PALLD: variants seen among roughly 807,000 people sequenced by gnomAD.
PALLD encodes the protein palladin, cytoskeletal associated protein.
A neutral mutation model predicts 123.5 loss-of-function variants in PALLD; 61 were observed. That is an observed-to-expected ratio of 0.49 (90% CI 0.40 to 0.61). The LOEUF (loss-of-function observed/expected upper bound fraction) is 0.61. Among genes scored for constraint, PALLD ranks in the 20% least tolerant of loss-of-function variants. PALLD has a pLI of 0.00. For synonymous variants in PALLD, 465 were observed against 496.4 expected (o/e 0.94, Z 0.84); for missense variants, 1,273 against 1,377.0 (o/e 0.92, Z 1.20).
At chr4:168,629,466 CTG>C (rs1775608421) in intron 2 of PALLD, among the ~76,000 whole-genome samples, 1 of 152,128 alleles carries the variant, frequency 6.6e-6, no homozygotes, top group African/African-American at 2.4e-5. Context: ...AGAAAGGAGA[CTG>C]TGGTGCATGT....
At chr4:168,554,735 G>A (rs1053879941) in intron 2 of PALLD, among the ~76,000 whole-genome samples, 22 of 151,848 alleles carry the variant, frequency 1.4e-4, no homozygotes, top group African/African-American at 4.8e-4. Flanking sequence ...TATATCTTTC[G>A]TTTAATAATC....
At chr4:168,515,869 A>C (rs1263133128) in intron 2 of PALLD, among the ~76,000 whole-genome samples, 1 of 137,498 alleles carries the variant, frequency 7.3e-6, no homozygotes, top group African/African-American at 2.6e-5. Flanking sequence ...TGGAGCTTAG[A>C]TTAAACAACA....
intron 10 of PALLD, among the ~76,000 whole-genome samples, chr4:168,870,150 A>G (rs1750885838): frequency 6.6e-6 from 1 of 152,230 alleles, no homozygotes; most frequent in Non-Finnish European, 1.5e-5. Flanking sequence ...AGTGGCAGAA[A>G]GAGGGGAAAG....
At chr4:168,731,219 C>T (rs1393495188) in intron 10 of PALLD, among the ~76,000 whole-genome samples, 2 of 152,224 alleles carry the variant, frequency 1.3e-5, no homozygotes, top group Non-Finnish European at 2.9e-5. Flanking sequence ...CTTACAGTTT[C>T]ACAATCCGTT....
At chr4:168,576,859 A>G (rs945839334) in intron 2 of PALLD, among the ~76,000 whole-genome samples, 2 of 152,124 alleles carry the variant, frequency 1.3e-5, no homozygotes, top group Non-Finnish European at 2.9e-5. Flanking sequence ...CAACAGTGTA[A>G]AAGCAAAACC....
At chr4:168,785,241 G>A (rs959400743) in intron 10 of PALLD, among the ~76,000 whole-genome samples, 4 of 151,972 alleles carry the variant, frequency 2.6e-5, no homozygotes, top group East Asian at 1.9e-4. Context: ...AGCACTGTGC[G>A]CTCTCGGATG....
At chr4:168,529,331 T>C (rs1420440742) in intron 2 of PALLD, among the ~76,000 whole-genome samples, 1 of 151,404 alleles carries the variant, frequency 6.6e-6, no homozygotes, top group African/African-American at 2.4e-5. Context: ...AGCCAAACTC[T>C]GTCTCGAGAA....
intron 1 of PALLD, among the ~76,000 whole-genome samples, chr4:168,503,510 G>A (rs1761648974): frequency 6.6e-6 from 1 of 152,084 alleles, no homozygotes; most frequent in African/African-American, 2.4e-5. Context: ...AGCCGGGCAT[G>A]GTGGTGGGCG....
At chr4:168,856,371 C>T (rs1748610595) in intron 10 of PALLD, among the ~76,000 whole-genome samples, 1 of 152,162 alleles carries the variant, frequency 6.6e-6, no homozygotes, top group South Asian at 2.1e-4. Flanking sequence ...ATACCCAATA[C>T]TGGGATTGCT....
At chr4:168,520,830 T>TA (rs1301324387) in intron 2 of PALLD, among the ~76,000 whole-genome samples, 1 of 152,214 alleles carries the variant, frequency 6.6e-6, no homozygotes, top group African/African-American at 2.4e-5. Context: ...CTCTCACTGA[T>TA]ACCTTAGTGA....
rs573611467 is a variant in PALLD, at chr4:168,521,508, T to C, written c.908+9096T>C. ...ATTGTAGTGTCTTAATAAATATTAATGTATTATTTTAAAAGTTACTTATTA... is the reference window on the plus strand; with the variant it reads ...ATTGTAGTGTCTTAATAAATATTAACGTATTATTTTAAAAGTTACTTATTA... On this transcript the variant is annotated intron_variant, in intron 2 of 21. Coordinates refer to ENST00000505667, the MANE Select transcript of PALLD (RefSeq NM_001166108.2). Among the ~76,000 whole-genome samples, 279 of 152,342 alleles carry C rather than the reference T, an allele frequency of 1.8e-3. 1 individual carries two copies. The highest frequency in any genetic ancestry group is 6.3e-3 in the African/African-American group (264 of 41,588).
At chr4:168,566,295 T>A (rs1323313373) in intron 2 of PALLD, among the ~76,000 whole-genome samples, 1 of 152,026 alleles carries the variant, frequency 6.6e-6, no homozygotes, top group East Asian at 1.9e-4. Context: ...TTCCACTAAT[T>A]TATTTATTTA....
At chr4:168,556,323 C>T (rs1767300383) in intron 2 of PALLD, among the ~76,000 whole-genome samples, 1 of 152,056 alleles carries the variant, frequency 6.6e-6, no homozygotes, top group African/African-American at 2.4e-5. Context: ...TCTCGATCTC[C>T]TGACCTCGTG....
chr4:168,614,975 C>T (rs756755038), intron 2 of PALLD, among the ~76,000 whole-genome samples: 8 of 151,954 alleles, frequency 5.3e-5, no homozygotes, highest in Non-Finnish European at 1.0e-4. Flanking sequence ...GAAGATTCCT[C>T]GAATACAAGG....
At chr4:168,917,971 C>T (rs888591860) in intron 17 of PALLD, among the ~76,000 whole-genome samples, 5 of 151,940 alleles carry the variant, frequency 3.3e-5, no homozygotes, top group Non-Finnish European at 5.9e-5. Context: ...GAGGCTGAGG[C>T]GGGCGGATCA....
At position 168,785,058 on chromosome 4, in the gene PALLD, C is replaced by CTTTT. The variant is rs746597278; in HGVS notation, c.1964+73161_1964+73164dup. ...AGCCCCAGCTTTTTTCTCCCTTTTG[C>CTTTT]TTTTTTTTTTTTTTTTTTTTTTTTT... On this transcript the variant is annotated intron_variant, in intron 10 of 21. Transcript: ENST00000505667. 8.7e-4 allele frequency among the ~76,000 whole-genome samples: 74 copies of CTTTT among 84,792 alleles called. 5 individuals carry two copies. Among genetic ancestry groups the CTTTT allele is most frequent in the African/African-American group, 2.6e-3 (52 of 19,926 alleles). The allele number at this position is 84,792 out of a possible 152,430, so 55.6% of individuals were successfully genotyped here.
At chr4:168,757,838 G>A (rs369319002) in intron 10 of PALLD, among the ~76,000 whole-genome samples, 6 of 152,176 alleles carry the variant, frequency 3.9e-5, no homozygotes, top group Admixed American at 2.0e-4. Flanking sequence ...TTGGGAGGCC[G>A]AGGTGGGAGG....
chr4:168,561,821 G>A (rs1767896100), intron 2 of PALLD, among the ~76,000 whole-genome samples: 1 of 152,092 alleles, frequency 6.6e-6, no homozygotes, highest in South Asian at 2.1e-4. Flanking sequence ...AATGAGGCCA[G>A]TATTGAGACT....
At chr4:168,733,599 G>A (rs368135682) in intron 10 of PALLD, among the ~76,000 whole-genome samples, 582 of 150,056 alleles carry the variant, frequency 3.9e-3, no homozygotes, top group African/African-American at 0.013. Context: ...TTTTTGAGGG[G>A]CGGGGGTGGG....
Sources: gnomAD v4.1 joint callset for allele counts (sites outside exome capture counted in the v4.1 genomes callset) on GRCh38, gnomAD v4.1.1 for gene constraint, MANE v1.5 for transcripts, NCBI Gene and HGNC (gene_info 2026-07-23, HGNC 2026-07-21) for gene names.